ATP9B: variants seen among roughly 807,000 people sequenced by gnomAD.
The protein encoded by ATP9B is probable phospholipid-transporting ATPase IIB.
In ATP9B, 110 loss-of-function variants were observed where a neutral mutation model predicts 146.1. The observed-to-expected ratio is 0.75, with a 90% CI of 0.65 to 0.88. ATP9B has a LOEUF of 0.88. Ranked by LOEUF, ATP9B falls within the 40% of genes least tolerant of loss-of-function variation. The probability of loss-of-function intolerance (pLI) is 0.00; values close to 1 mark genes in which losing one functional copy is unlikely to be tolerated. For missense variants in ATP9B, 1,499 were observed against 1,496.4 expected, an observed-to-expected ratio of 1.00 and a Z score of -0.03; for synonymous variants, 604 against 569.7, an observed-to-expected ratio of 1.06 and a Z score of -0.86.
At chr18:79,311,682 G>C (rs946927938) in intron 15 of ATP9B, among the ~76,000 whole-genome samples, 6 of 152,168 alleles carry the variant, frequency 3.9e-5, no homozygotes, top group Non-Finnish European at 7.4e-5. Context: ...TAGCCAAAAC[G>C]ATGAAAGTGG....
intron 15 of ATP9B, among the ~76,000 whole-genome samples, chr18:79,321,834 G>A (rs758868431): frequency 1.9e-4 from 29 of 152,200 alleles, no homozygotes; most frequent in Non-Finnish European, 4.1e-4. Flanking sequence ...AATATAGAAA[G>A]CTCAGTCCTG....
intron 8 of ATP9B, among the ~76,000 whole-genome samples, chr18:79,180,592 A>T (rs940470155): frequency 6.6e-6 from 1 of 152,168 alleles, no homozygotes; most frequent in African/African-American, 2.4e-5. Flanking sequence ...GATAGTAAAA[A>T]ATGAAAACAG....
intron 1 of ATP9B, among the ~76,000 whole-genome samples, chr18:79,093,385 G>A (rs1267733196): frequency 6.6e-6 from 1 of 151,980 alleles, no homozygotes; most frequent in Non-Finnish European, 1.5e-5. Flanking sequence ...TTTGGCCTCC[G>A]TTTTTCTCCA....
intron 8 of ATP9B, among the ~76,000 whole-genome samples, chr18:79,191,406 T>A (rs1409857787): frequency 6.6e-6 from 1 of 152,196 alleles, no homozygotes; most frequent in African/African-American, 2.4e-5. Flanking sequence ...CTTCAAGTAG[T>A]TTTTGTTTTT....
intron 1 of ATP9B, among the ~76,000 whole-genome samples, chr18:79,091,101 G>T (rs1366206102): frequency 6.6e-6 from 1 of 152,062 alleles, no homozygotes; most frequent in Non-Finnish European, 1.5e-5. Context: ...TAGATGTGTG[G>T]ATTTGTTTCT....
chr18:79,122,834 TC>T (rs2094212191), intron 4 of ATP9B, among the ~76,000 whole-genome samples: 1 of 152,184 alleles, frequency 6.6e-6, no homozygotes, highest in Admixed American at 6.5e-5. Context: ...CACTTTTATT[TC>T]ATTGCTGCTT....
intron 11 of ATP9B, among the ~76,000 whole-genome samples, chr18:79,241,235 T>A (rs1036641134): frequency 6.6e-6 from 1 of 152,242 alleles, no homozygotes; most frequent in Non-Finnish European, 1.5e-5. Flanking sequence ...CGTTTTTTTC[T>A]CTGTGTAGAA....
chr18:79,264,099 GAA>G (rs899117905), intron 12 of ATP9B, among the ~76,000 whole-genome samples: 3 of 149,872 alleles, frequency 2.0e-5, no homozygotes, highest in African/African-American at 7.4e-5. Flanking sequence ...AAAAGAAAAG[GAA>G]AAAAAAACAT....
At chr18:79,220,372 G>A (rs2095666102) in intron 11 of ATP9B, among the ~76,000 whole-genome samples, 1 of 152,208 alleles carries the variant, frequency 6.6e-6, no homozygotes, top group South Asian at 2.1e-4. Flanking sequence ...AGGCTGAGGC[G>A]GCCGGATTTC....
intron 17 of ATP9B, 42 bp from the exon 18 acceptor site, chr18:79,336,586 G>GCT: frequency 6.3e-7 from 1 of 1,589,994 alleles, no homozygotes; most frequent in Non-Finnish European, 8.6e-7. Flanking sequence ...GGCCACAGGG[G>GCT]CTCTGCAGGG....
intron 25 of ATP9B, among the ~76,000 whole-genome samples, chr18:79,358,845 G>A (rs1345539530): frequency 1.4e-5 from 2 of 140,602 alleles, no homozygotes; most frequent in Non-Finnish European, 3.1e-5. Flanking sequence ...GTCTGGAGGT[G>A]TCTGTGTGAG....
chr18:79,344,630 C>T (rs1169983725), intron 21 of ATP9B, among the ~76,000 whole-genome samples: 4 of 152,228 alleles, frequency 2.6e-5, no homozygotes, highest in African/African-American at 7.2e-5. Context: ...CGGTATCTGC[C>T]GCTCTGGAAA....
At chr18:79,353,671 A>G (rs2096934511) in intron 25 of ATP9B, 1 of 152,190 alleles carries the variant, frequency 6.6e-6, no homozygotes, top group Non-Finnish European at 1.5e-5. Context: ...CACCTGGCGC[A>G]TCACAGGCCT....
At chr18:79,242,877 G>A (rs2095903232) in intron 11 of ATP9B, among the ~76,000 whole-genome samples, 1 of 152,248 alleles carries the variant, frequency 6.6e-6, no homozygotes, top group Admixed American at 6.5e-5. Context: ...AAACCTCTTA[G>A]ACAGTTTTAA....
intron 1 of ATP9B, among the ~76,000 whole-genome samples, chr18:79,088,907 A>G (rs947246087): frequency 1.3e-5 from 2 of 152,200 alleles, no homozygotes; most frequent in African/African-American, 4.8e-5. Context: ...AAAGCTTTCA[A>G]TGCATCGTCA....
rs894347343 is a variant in ATP9B at position 79,136,943 on chromosome 18, A to C, written c.668-6859A>C. On this transcript the variant is annotated intron_variant, in intron 5 of 29. Coordinates refer to ENST00000426216, the MANE Select transcript of ATP9B (RefSeq NM_198531.5). The stretch of plus-strand genomic sequence containing the variant: ...GCCACTTACAAAACCATTAGAACGC[A>C]CTCACTATCACAAGGGTAACAGCAT... Among the ~76,000 whole-genome samples the C allele has an allele frequency of 7.2e-5, 11 of 152,228 alleles. No homozygotes were observed. In the East Asian group the frequency reaches 9.7e-4, roughly 13 times the overall value.
At chr18:79,077,738 G>C (rs2072782315) in intron 1 of ATP9B, among the ~76,000 whole-genome samples, 1 of 152,136 alleles carries the variant, frequency 6.6e-6, no homozygotes, top group East Asian at 1.9e-4. Context: ...CCAATCATAA[G>C]GGGGCCAAAC....
chr18:79,206,658 AAAT>A (rs1289322615), intron 9 of ATP9B, among the ~76,000 whole-genome samples: 3 of 141,140 alleles, frequency 2.1e-5, no homozygotes, highest in South Asian at 2.3e-4. Context: ...ATAAATAAAT[AAAT>A]ATTAGAAGGT....
chr18:79,090,268 C>T (rs1389007941), intron 1 of ATP9B, among the ~76,000 whole-genome samples: 1 of 152,128 alleles, frequency 6.6e-6, no homozygotes, highest in Non-Finnish European at 1.5e-5. Context: ...ACATCGATTT[C>T]CTTTATTTTT....
Sources: gnomAD v4.1 joint callset for allele counts (sites outside exome capture counted in the v4.1 genomes callset) on GRCh38, gnomAD v4.1.1 for gene constraint, MANE v1.5 for transcripts, NCBI Gene and HGNC (gene_info 2026-07-23, HGNC 2026-07-21) for gene names.